ROBO2: variants seen among roughly 807,000 people sequenced by gnomAD.
ROBO2 encodes the protein roundabout homolog 2.
In ROBO2, 53 loss-of-function variants were observed where a neutral mutation model predicts 160.8. The observed-to-expected ratio is 0.33, with a 90% CI of 0.26 to 0.41. The LOEUF is 0.41. Ranked by LOEUF, ROBO2 falls within the 10% of genes least tolerant of loss-of-function variation. The pLI, the probability that ROBO2 is intolerant of heterozygous loss-of-function variation, is 1.00. For missense variants in ROBO2, 1,577 were observed against 1,722.4 expected (o/e 0.92, Z 1.49); for synonymous variants, 664 against 611.7 (o/e 1.09, Z -1.26).
chr3:76,755,797 T>A (rs1447272326), intron 2 of ROBO2, among the ~76,000 whole-genome samples: 1 of 151,882 alleles, frequency 6.6e-6, no homozygotes, highest in Non-Finnish European at 1.5e-5. Context: ...CTCTAAATTA[T>A]GTTTAGGAAA....
intron 2 of ROBO2, among the ~76,000 whole-genome samples, chr3:76,989,239 T>C (rs556984537): frequency 1.2e-4 from 18 of 152,240 alleles, no homozygotes; most frequent in African/African-American, 4.3e-4. Context: ...AATTTGACAT[T>C]TGTAAGCACT....
chr3:76,386,408 G>T (rs2076892471), intron 2 of ROBO2, among the ~76,000 whole-genome samples: 1 of 127,186 alleles, frequency 7.9e-6, no homozygotes, highest in African/African-American at 2.9e-5. Context: ...CCTACTATAT[G>T]TCAGGTATTG....
intron 2 of ROBO2, among the ~76,000 whole-genome samples, chr3:76,103,780 A>G (rs1472924366): frequency 2.0e-5 from 3 of 152,228 alleles, no homozygotes; most frequent in Non-Finnish European, 4.4e-5. Context: ...CTTGATGTCC[A>G]TTATCACTTT....
intron 1 of ROBO2, among the ~76,000 whole-genome samples, chr3:77,067,417 T>A (rs2066972963): frequency 6.6e-6 from 1 of 152,192 alleles, no homozygotes; most frequent in South Asian, 2.1e-4. Flanking sequence ...AGCAGACAAC[T>A]GTGAGTACAG....
At chr3:77,345,862 G>A (rs961313754) in intron 2 of ROBO2, among the ~76,000 whole-genome samples, 2 of 152,034 alleles carry the variant, frequency 1.3e-5, no homozygotes, top group Admixed American at 6.6e-5. Context: ...AATTTGCTCT[G>A]TGATATTAAA....
At chr3:76,726,696 A>G (rs1408345351) in intron 2 of ROBO2, among the ~76,000 whole-genome samples, 2 of 152,018 alleles carry the variant, frequency 1.3e-5, no homozygotes, top group Non-Finnish European at 2.9e-5. Flanking sequence ...CCTAAAGTTA[A>G]CTCTTATGAT....
intron 2 of ROBO2, among the ~76,000 whole-genome samples, chr3:77,201,581 A>G (rs1342581896): frequency 6.6e-6 from 1 of 152,214 alleles, no homozygotes; most frequent in Non-Finnish European, 1.5e-5. Flanking sequence ...TTGAAGATAT[A>G]ATATCAATTT....
At chr3:76,070,290 T>C (rs6776807) in intron 2 of ROBO2, among the ~76,000 whole-genome samples, 94,342 of 151,562 alleles carry the variant, frequency 0.62, 29,982 homozygotes, top group Middle Eastern at 0.75. Context: ...TGGAACATCC[T>C]TGAGAAAGAG....
chr3:76,282,508 CATA>C (rs1204931729), intron 2 of ROBO2, among the ~76,000 whole-genome samples: 2 of 151,904 alleles, frequency 1.3e-5, no homozygotes, highest in South Asian at 2.1e-4. Context: ...ATTATGAATG[CATA>C]ATGTTTATAA....
intron 2 of ROBO2, among the ~76,000 whole-genome samples, chr3:76,609,902 T>C (rs1215657763): frequency 6.6e-6 from 1 of 152,188 alleles, no homozygotes; most frequent in East Asian, 1.9e-4. Context: ...GCTTTGAAAT[T>C]AGGGCTTAGA....
chr3:76,358,603 C>G (rs997382390), intron 2 of ROBO2, among the ~76,000 whole-genome samples: 49 of 151,972 alleles, frequency 3.2e-4, no homozygotes, highest in African/African-American at 1.2e-3. Context: ...CATAGCTTTT[C>G]TTTAGATTCA....
chr3:76,386,564 G>C lies in ROBO2; in HGVS notation c.109+448962G>C, dbSNP rs186370519. ...GCCCTTAAAGGTTGCAAGCCATTGT[G>C]TTCCCTTCTTCAAAATGAGGCCAAT... On this transcript the variant is annotated intron_variant, in intron 2 of 26. Coordinates refer to the ROBO2 transcript ENST00000487694. 3.4e-3 allele frequency among the ~76,000 whole-genome samples: 522 copies of C among 152,148 alleles called. 3 individuals are homozygous for C. Among genetic ancestry groups the C allele is most frequent in the African/African-American group, 0.012 (479 of 41,498 alleles).
At chr3:76,861,227 T>A (rs181779076) in intron 2 of ROBO2, among the ~76,000 whole-genome samples, 186 of 152,330 alleles carry the variant, frequency 1.2e-3, no homozygotes, top group African/African-American at 4.2e-3. Context: ...CTGGAACTCA[T>A]ATTGGGCAAA....
chr3:77,509,686 C>T (rs1276627633), intron 5 of ROBO2, among the ~76,000 whole-genome samples: 1 of 152,068 alleles, frequency 6.6e-6, no homozygotes, highest in African/African-American at 2.4e-5. Flanking sequence ...ATTGTGCACA[C>T]TTGGCATTTT....
intron 2 of ROBO2, among the ~76,000 whole-genome samples, chr3:76,119,027 A>G (rs1262305279): frequency 6.6e-6 from 1 of 152,060 alleles, no homozygotes; most frequent in Non-Finnish European, 1.5e-5. Flanking sequence ...TTAAATGACT[A>G]CTCTTGGGAA....
At chr3:76,984,579 CCTTTTA>C (rs1448904754) in intron 2 of ROBO2, among the ~76,000 whole-genome samples, 1 of 151,994 alleles carries the variant, frequency 6.6e-6, no homozygotes, top group Non-Finnish European at 1.5e-5. Flanking sequence ...AGGGTTAAAC[CCTTTTA>C]CTTTGGGTTT....
At chr3:77,601,413 A>C (rs1450491653) in intron 19 of ROBO2, among the ~76,000 whole-genome samples, 2 of 152,216 alleles carry the variant, frequency 1.3e-5, no homozygotes, top group Non-Finnish European at 2.9e-5. Flanking sequence ...GAGAGGCAGC[A>C]GTTCTGAATT....
intron 2 of ROBO2, among the ~76,000 whole-genome samples, chr3:76,745,117 A>C (rs1036501265): frequency 2.0e-5 from 3 of 152,194 alleles, no homozygotes; most frequent in Non-Finnish European, 2.9e-5. Context: ...TTGAGGATTA[A>C]TCTTTTTGCT....
At chr3:76,964,465 C>G (rs2079918625) in intron 2 of ROBO2, among the ~76,000 whole-genome samples, 2 of 152,068 alleles carry the variant, frequency 1.3e-5, no homozygotes, top group African/African-American at 4.8e-5. Context: ...GCCTCAGCCT[C>G]CAGAGTAGCT....
Sources: gnomAD v4.1 joint callset for allele counts (sites outside exome capture counted in the v4.1 genomes callset) on GRCh38, gnomAD v4.1.1 for gene constraint, MANE v1.5 for transcripts, NCBI Gene and HGNC (gene_info 2026-07-23, HGNC 2026-07-21) for gene names.